FPR1: variants seen among roughly 807,000 people sequenced by gnomAD.
The protein encoded by FPR1 is formyl peptide receptor 1.
For missense variants in FPR1, 407 were observed against 453.0 expected, an observed-to-expected ratio of 0.90 and a Z score of 0.92; for synonymous variants, 193 against 176.7, an observed-to-expected ratio of 1.09 and a Z score of -0.73.
At position 51,746,498 on chromosome 19, in the gene FPR1, G is replaced by A. The variant is rs2083746502; in HGVS notation, c.497C>T (p.Thr166Ile). The change falls in exon 2 of 2, where the codon ACA (threonine) becomes ATA (isoleucine). Residue 166 changes from threonine (T) to isoleucine (I), a missense_variant. Transcript: ENST00000304748. This position sits in a 1 kb window ranked among gnomAD's most constrained non-coding sequence, Gnocchi z 4.3. ...TACTGTCCCCGTTTTACCAGGTACTGTAGTCACACGAATGATAACTGGCAA... is the reference window on the plus strand; with the variant it reads ...TACTGTCCCCGTTTTACCAGGTACTATAGTCACACGAATGATAACTGGCAA... The part of the protein sequence containing the change: ...LTLPVIIRVT[T>I]VPGKTGTVAC... 3 of 1,614,080 alleles carry A rather than the reference G, an allele frequency of 1.9e-6. No homozygotes were observed. The highest frequency in any genetic ancestry group is 1.7e-5 in the Admixed American group (1 of 60,004).
Position 51,746,544 on chromosome 19 carries a change from C to A in FPR1, c.451G>T (p.Val151Leu). Residue 151 changes from valine (V) to leucine (L), a missense_variant, in exon 2 of 2, where the codon GTG becomes TTG. Coordinates refer to ENST00000304748, the MANE Select transcript of FPR1 (RefSeq NM_002029.4). The surrounding 1 kb of genome is among the most constrained non-coding windows in gnomAD (Gnocchi z 4.3). The part of the protein sequence containing the change: ...LAKKVIIGPW[V>L]MALLLTLPVI... Reference sequence around the variant, plus strand: ...GGCAATGTGAGGAGCAGAGCCATCACCCAGGGCCCAATGATCACCTTCTTG... The same window carrying A: ...GGCAATGTGAGGAGCAGAGCCATCAACCAGGGCCCAATGATCACCTTCTTG... The A allele has an allele frequency of 6.2e-7, 1 of 1,614,178 alleles. No individual in the cohort carries two copies. Among genetic ancestry groups the A allele is most frequent in the Non-Finnish European group, 8.5e-7 (1 of 1,180,034 alleles).
intron 1 of FPR1, among the ~76,000 whole-genome samples, chr19:51,748,097 T>C (rs1024630524): frequency 2.0e-5 from 3 of 152,032 alleles, no homozygotes; most frequent in African/African-American, 7.2e-5. Flanking sequence ...AGGTTAATAG[T>C]GTACTATGAT....
chr19:51,751,363 G>C (rs1332048611), intron 1 of FPR1, among the ~76,000 whole-genome samples: 1 of 151,892 alleles, frequency 6.6e-6, no homozygotes, highest in East Asian at 1.9e-4. Flanking sequence ...ATAAAGTCTA[G>C]AGCCTATTTG....
intron 1 of FPR1, among the ~76,000 whole-genome samples, chr19:51,749,460 C>T (rs958194253): frequency 2.6e-5 from 4 of 152,060 alleles, no homozygotes; most frequent in Non-Finnish European, 4.4e-5. Flanking sequence ...CTCGTCTCTG[C>T]GGTTACCTTG....
At chr19:51,748,977 G>A (rs1383500538) in intron 1 of FPR1, among the ~76,000 whole-genome samples, 3 of 152,090 alleles carry the variant, frequency 2.0e-5, no homozygotes, top group African/African-American at 7.2e-5. Context: ...AGTACCTTGG[G>A]AGGCCGAGGC....
In FPR1 at chr19:51,746,946, C is replaced by G. The variant is rs1286930729; in HGVS notation, c.49G>C (p.Ala17Pro). ...LPTNISGGTP[A>P]VSAGYLFLDI... Reference sequence around the variant, plus strand: ...AGGAAGAGATAGCCAGCAGATACAGCAGGTGTCCCTCCAGAGATGTTCGTG... The same window carrying G: ...AGGAAGAGATAGCCAGCAGATACAGGAGGTGTCCCTCCAGAGATGTTCGTG... The change falls in exon 2 of 2, where the codon GCT becomes CCT. Residue 17 changes from alanine (A) to proline (P), a missense_variant. Physicochemically the swap from Ala to Pro is conservative, Grantham distance 27 (BLOSUM62 -1). Transcript: ENST00000304748. The surrounding 1 kb of genome is among the most constrained non-coding windows in gnomAD (Gnocchi z 4.3). 1 of 1,614,096 alleles carries G rather than the reference C, an allele frequency of 6.2e-7. No homozygotes were observed. Among genetic ancestry groups the G allele is most frequent in the Non-Finnish European group, 8.5e-7 (1 of 1,180,008 alleles).
rs748893408 is a variant in FPR1, at chr19:51,746,399, G to A, written c.596C>T (p.Thr199Met). Reference protein sequence around the residue: ...ERINVAVAMLTVRGIIRFIIG... With the variant: ...ERINVAVAMLMVRGIIRFIIG... Reference sequence around the variant, plus strand: ...GATGAACCGGATGATGCCTCTCACCGTCAACATGGCAACGGCCACATTTAT... The same window carrying A: ...GATGAACCGGATGATGCCTCTCACCATCAACATGGCAACGGCCACATTTAT... Residue 199 changes from threonine to methionine, a missense_variant, in exon 2 of 2, where the codon ACG becomes ATG. Coordinates refer to ENST00000304748, the MANE Select transcript of FPR1 (RefSeq NM_002029.4). The surrounding 1 kb of genome is among the most constrained non-coding windows in gnomAD (Gnocchi z 4.3). 26 of 1,614,162 alleles carry A rather than the reference G, an allele frequency of 1.6e-5. 1 individual carries two copies. The highest frequency in any genetic ancestry group is 6.6e-5 in the South Asian group (6 of 91,072).
chr19:51,748,791 C>T (rs2083763311), intron 1 of FPR1, among the ~76,000 whole-genome samples: 1 of 152,144 alleles, frequency 6.6e-6, no homozygotes, highest in Non-Finnish European at 1.5e-5. Flanking sequence ...ATTTTACCAT[C>T]AATTTAATAA....
At chr19:51,748,934 C>T (rs1599808387) in intron 1 of FPR1, among the ~76,000 whole-genome samples, 1 of 152,112 alleles carries the variant, frequency 6.6e-6, no homozygotes, top group Admixed American at 6.5e-5. Context: ...TGCAACTTCT[C>T]AGCCAGGCGC....
In FPR1 at chr19:51,746,409, C is replaced by G; in HGVS notation, c.586G>C (p.Ala196Pro). The G allele has an allele frequency of 6.2e-7, 1 of 1,614,134 alleles. No homozygotes were observed. The highest frequency in any genetic ancestry group is 8.5e-7 in the Non-Finnish European group (1 of 1,180,026). Residue 196 changes from alanine (A) to proline (P), a missense_variant, in exon 2 of 2, where the codon GCC becomes CCC. Physicochemically the swap from Ala to Pro is conservative, Grantham distance 27. Transcript: ENST00000304748. This position sits in a 1 kb window ranked among gnomAD's most constrained non-coding sequence, Gnocchi z 4.3. ...ATGATGCCTCTCACCGTCAACATGG[C>G]AACGGCCACATTTATCCTCTCTTTA... ...DPKERINVAV[A>P]MLTVRGIIRF...
At chr19:51,750,712 G>A (rs1281832541) in intron 1 of FPR1, 1 of 152,206 alleles carries the variant, frequency 6.6e-6, no homozygotes, top group Non-Finnish European at 1.5e-5. Context: ...AAAATCCTGT[G>A]ATTTGCAATG....
chr19:51,747,306 C>T (rs2083754833), intron 1 of FPR1, among the ~76,000 whole-genome samples: 1 of 151,850 alleles, frequency 6.6e-6, no homozygotes, highest in African/African-American at 2.4e-5. Flanking sequence ...ACCTCCACCT[C>T]CCGGGTTCAA....
intron 1 of FPR1, among the ~76,000 whole-genome samples, chr19:51,749,716 C>T (rs375619871): frequency 3.3e-5 from 5 of 152,018 alleles, no homozygotes; most frequent in African/African-American, 1.2e-4. Flanking sequence ...GGCTGGAGTG[C>T]AGTGGCGTGA....
chr19:51,749,345 T>C (rs892694308), intron 1 of FPR1, among the ~76,000 whole-genome samples: 3 of 152,330 alleles, frequency 2.0e-5, no homozygotes, highest in South Asian at 2.1e-4. Flanking sequence ...TTTTCCAACA[T>C]AGGTCAAATG....
In FPR1 at chr19:51,751,571, T is replaced by C. The variant is rs372237746; in HGVS notation, c.-12+243A>G. Among the ~76,000 whole-genome samples the C allele has an allele frequency of 2.0e-5, 3 of 152,090 alleles. No individual in the cohort carries two copies. The East Asian group carries it at 5.8e-4, about 29-fold the overall frequency. ...CTAATTTTTGTATTTTTAATAGAAG[T>C]GAGGTTTCAACATGTTGGCCAGGCT... On this transcript the variant is annotated intron_variant, in intron 1 of 1. Coordinates refer to ENST00000304748, the MANE Select transcript of FPR1 (RefSeq NM_002029.4).
intron 1 of FPR1, among the ~76,000 whole-genome samples, chr19:51,749,261 GCT>G (rs1401199057): frequency 7.2e-5 from 11 of 151,760 alleles, no homozygotes; most frequent in Non-Finnish European, 1.5e-4. Flanking sequence ...AATTCTGCTC[GCT>G]CTCTCTCTTT....
rs1048756669 is a variant in FPR1 at position 51,745,959 on chromosome 19, C to G, written c.1036G>C (p.Glu346Gln). 1 of 1,610,586 alleles carries G rather than the reference C, an allele frequency of 6.2e-7. No homozygotes were observed. The highest frequency in any genetic ancestry group is 1.7e-5 in the Admixed American group (1 of 59,950). ...CTCCCTCCTCACTTTGCCTGTAACT[C>G]CACCTCTGCAGAAGGTAAAGTAGAA... ...TNSTLPSAEV[E>Q]LQAK is the part of the protein sequence containing the mutation. Residue 346 changes from glutamate (E) to glutamine (Q), a missense_variant, in exon 2 of 2, where the codon GAG (glutamate) becomes CAG (glutamine). Coordinates refer to ENST00000304748, the MANE Select transcript of FPR1 (RefSeq NM_002029.4).
rs1167920410 is a variant in FPR1 at position 51,745,881 on chromosome 19, C to T, written c.*61G>A. ...TAAGCAGGAAATGCCTGTGGCTCAG[C>T]CTAACTCAAGGTGAGACGAAGCTGG... On this transcript the variant is annotated 3_prime_UTR_variant, in exon 2 of 2. Coordinates refer to ENST00000304748, the MANE Select transcript of FPR1 (RefSeq NM_002029.4). The T allele has an allele frequency of 1.0e-5, 14 of 1,407,016 alleles. No individual in the cohort carries two copies. The highest frequency in any genetic ancestry group is 4.3e-5 in the African/African-American group (3 of 70,464). The allele number at this position is 1,407,016 out of a possible 1,614,324, so 87.2% of individuals were successfully genotyped here. A position where few individuals can be genotyped will look rare whatever the true frequency, so the allele number is the denominator to read the frequency against.
chr19:51,746,360 G>A lies in FPR1; in HGVS notation c.635C>T (p.Ala212Val). 6.2e-7 allele frequency: 1 copy of A among 1,614,198 alleles called. No homozygotes were observed. The highest frequency in any genetic ancestry group is 8.5e-7 in the Non-Finnish European group (1 of 1,180,036). Reference sequence around the variant, plus strand: ...ACTGACAGCAACGATGGACATGGGTGCGCTGAAGCCAATGATGAACCGGAT... The same window carrying A: ...ACTGACAGCAACGATGGACATGGGTACGCTGAAGCCAATGATGAACCGGAT... Reference protein sequence around the residue: ...GIIRFIIGFSAPMSIVAVSYG... With the variant: ...GIIRFIIGFSVPMSIVAVSYG... The change falls in exon 2 of 2, where the codon GCA becomes GTA. Residue 212 changes from alanine to valine, a missense_variant. Transcript: ENST00000304748. The surrounding 1 kb of genome is among the most constrained non-coding windows in gnomAD (Gnocchi z 4.3).
Sources: allele counts gnomAD v4.1 joint callset (sites outside exome capture counted in the v4.1 genomes callset), GRCh38; gene constraint gnomAD v4.1.1; non-coding constraint Gnocchi (gnomAD v3.1); transcripts MANE v1.5; gene names NCBI Gene and HGNC (gene_info 2026-07-23, HGNC 2026-07-21).